The following KLF7 variants were observed in gnomAD, a reference collection of about 807,000 sequenced individuals.
KLF7 encodes Krueppel-like factor 7.
Under a neutral mutation model 27.3 loss-of-function variants are expected in KLF7, and 2 were observed. That is an observed-to-expected ratio of 0.07 (90% CI 0.03 to 0.23). The LOEUF (loss-of-function observed/expected upper bound fraction) is 0.23, where lower values mean the gene tolerates loss of function less well. KLF7 is among the 10% of genes least tolerant of loss of function. KLF7 has a pLI of 1.00. For synonymous variants in KLF7, 165 were observed against 162.4 expected, an observed-to-expected ratio of 1.02 and a Z score of -0.12; for missense variants, 221 against 394.1, an observed-to-expected ratio of 0.56 and a Z score of 3.72.
chr2:207,137,459 TCC>T (rs1389190981), intron 1 of KLF7, among the ~76,000 whole-genome samples: 1 of 152,130 alleles, frequency 6.6e-6, no homozygotes, highest in Non-Finnish European at 1.5e-5. Flanking sequence ...AGCTTTTCCT[TCC>T]CTCCCACTCC....
In KLF7 at chr2:207,079,016, G is replaced by C. The variant is rs1431805292; in HGVS notation, c.*2197C>G. The C allele has an allele frequency of 7.9e-5, 12 of 151,796 alleles. No individual in the cohort carries two copies. Among genetic ancestry groups the C allele is most frequent in the African/African-American group, 2.9e-4 (12 of 41,288 alleles). The allele number at this position is 151,796 out of a possible 1,614,324, so 9.4% of individuals were successfully genotyped here. ...GGACAGATTTTGTGTGTGTGTGCGC[G>C]TGTGTGTTAACGGGTGTTCTTTCTT... On this transcript the variant is annotated 3_prime_UTR_variant, in exon 4 of 4. Coordinates refer to ENST00000309446, the MANE Select transcript of KLF7 (RefSeq NM_003709.4).
chr2:207,158,361 G>C (rs1022819573), intron 1 of KLF7, among the ~76,000 whole-genome samples: 28 of 140,794 alleles, frequency 2.0e-4, no homozygotes. Flanking sequence ...CTCAGAGGTT[G>C]AGTTTCTTCA....
At chr2:207,146,729 A>T (rs2078106922) in intron 1 of KLF7, among the ~76,000 whole-genome samples, 1 of 151,504 alleles carries the variant, frequency 6.6e-6, no homozygotes, top group Non-Finnish European at 1.5e-5. Context: ...CAAAAAGAAG[A>T]AAAAAAAACC....
At chr2:207,154,255 G>A (rs1302162639) in intron 1 of KLF7, among the ~76,000 whole-genome samples, 1 of 152,180 alleles carries the variant, frequency 6.6e-6, no homozygotes, top group East Asian at 1.9e-4. Flanking sequence ...AATGGCAGGT[G>A]TAGTAACCGG....
chr2:207,090,865 C>G (rs2076494656), intron 2 of KLF7, among the ~76,000 whole-genome samples: 1 of 152,070 alleles, frequency 6.6e-6, no homozygotes, highest in African/African-American at 2.4e-5. Context: ...GCTCTGTTAT[C>G]TCAAGGGGAA....
intron 3 of KLF7, among the ~76,000 whole-genome samples, chr2:207,081,924 T>C (rs1452664329): frequency 1.3e-5 from 2 of 151,184 alleles, no homozygotes; most frequent in Non-Finnish European, 2.9e-5. Flanking sequence ...GTAGGCACTA[T>C]GCTAAGGGTT....
chr2:207,119,722 G>GA (rs1359345019), intron 2 of KLF7, among the ~76,000 whole-genome samples: 1 of 151,990 alleles, frequency 6.6e-6, no homozygotes, highest in Non-Finnish European at 1.5e-5. Context: ...TATTGTTTTT[G>GA]AGACGGTGTC....
chr2:207,147,800 G>C (rs754466560), intron 1 of KLF7, among the ~76,000 whole-genome samples: 3 of 152,186 alleles, frequency 2.0e-5, no homozygotes, highest in Admixed American at 2.0e-4. Flanking sequence ...ACGATATGCC[G>C]GATACTAACA....
At chr2:207,104,516 A>C (rs1194487036) in intron 2 of KLF7, among the ~76,000 whole-genome samples, 1 of 152,230 alleles carries the variant, frequency 6.6e-6, no homozygotes, top group Admixed American at 6.5e-5. Flanking sequence ...GCTAGTATTT[A>C]CTGGGCCCTC....
rs1469256928 is a variant in KLF7, at chr2:207,165,897, G to T, written c.-329C>A. The T allele has an allele frequency of 2.6e-6, 3 of 1,145,422 alleles. No homozygotes were observed. Among genetic ancestry groups the T allele is most frequent in the Non-Finnish European group, 3.2e-6 (3 of 927,832 alleles). 71.0% of individuals were successfully genotyped at this position (1,145,422 alleles called of 1,614,324 possible). ...TCACTCCAGCTCGTGGATCAGGAAG[G>T]GGGATGCAAACTCACTGACACGAAG... On this transcript the variant is annotated 5_prime_UTR_variant, in exon 1 of 4. Coordinates refer to ENST00000309446, the MANE Select transcript of KLF7 (RefSeq NM_003709.4).
chr2:207,111,115 C>CTGAGGG (rs1397159797), intron 2 of KLF7, among the ~76,000 whole-genome samples: 6 of 152,222 alleles, frequency 3.9e-5, no homozygotes, highest in Non-Finnish European at 7.3e-5. Context: ...AAAATCTCCC[C>CTGAGGG]TGGTTGAGAA....
At chr2:207,162,610 G>A (rs987555282) in intron 1 of KLF7, among the ~76,000 whole-genome samples, 2 of 152,186 alleles carry the variant, frequency 1.3e-5, no homozygotes, top group African/African-American at 4.8e-5. Flanking sequence ...TCAAAACGAG[G>A]ATCTCCGTGA....
intron 1 of KLF7, among the ~76,000 whole-genome samples, chr2:207,155,905 C>T (rs1267668673): frequency 1.3e-5 from 2 of 152,180 alleles, no homozygotes; most frequent in East Asian, 3.9e-4. Context: ...GCAAATTTGC[C>T]GCCTCTCCAA....
chr2:207,088,705 G>C, intron 2 of KLF7, 124 bp from the exon 3 acceptor site: 2 of 1,052,896 alleles, frequency 1.9e-6, no homozygotes, highest in South Asian at 2.1e-5. Flanking sequence ...TGAAAGACTA[G>C]ATTTCCTAAC....
intron 1 of KLF7, among the ~76,000 whole-genome samples, chr2:207,152,608 A>G (rs1160991831): frequency 6.6e-6 from 1 of 152,228 alleles, no homozygotes; most frequent in Non-Finnish European, 1.5e-5. Flanking sequence ...TCGATGATCT[A>G]CAACAGAACC....
chr2:207,131,430 CT>C (rs956851174), intron 1 of KLF7, among the ~76,000 whole-genome samples: 19 of 152,308 alleles, frequency 1.2e-4, no homozygotes, highest in African/African-American at 4.3e-4. Context: ...GTTTAATTAG[CT>C]TTTTTGTGCT....
At chr2:207,163,333 G>C (rs1314773481) in intron 1 of KLF7, among the ~76,000 whole-genome samples, 1 of 152,218 alleles carries the variant, frequency 6.6e-6, no homozygotes, top group Non-Finnish European at 1.5e-5. Flanking sequence ...GGCAAAAAAT[G>C]AGGGGGTTCC....
chr2:207,126,256 T>G (rs2077473273), intron 1 of KLF7, among the ~76,000 whole-genome samples: 1 of 152,216 alleles, frequency 6.6e-6, no homozygotes, highest in Admixed American at 6.5e-5. Flanking sequence ...CCCTCAGTCT[T>G]GGCTCCATTC....
At chr2:207,149,249 C>A in intron 1 of KLF7, 1 of 865,364 alleles carries the variant, frequency 1.2e-6, no homozygotes, top group Non-Finnish European at 1.6e-6. Flanking sequence ...CCCCACTCAG[C>A]GCTGTCACTC....
Sources: allele counts gnomAD v4.1 joint callset (sites outside exome capture counted in the v4.1 genomes callset), GRCh38; gene constraint gnomAD v4.1.1; transcripts MANE v1.5; gene names NCBI Gene and HGNC (gene_info 2026-07-23, HGNC 2026-07-21).